The following INPP4B variants were observed in gnomAD, a reference collection of about 807,000 sequenced individuals.
INPP4B encodes the protein inositol polyphosphate 4-phosphatase type II.
A neutral mutation model predicts 122.5 loss-of-function variants in INPP4B; 55 were observed. The observed-to-expected ratio is 0.45, with a 90% CI of 0.36 to 0.56. INPP4B has a LOEUF of 0.56. Among genes scored for constraint, INPP4B ranks in the 20% least tolerant of loss-of-function variants. The probability of loss-of-function intolerance (pLI) is 0.00; values close to 1 mark genes in which losing one functional copy is unlikely to be tolerated. For synonymous variants in INPP4B, 403 were observed against 388.7 expected (o/e 1.04, Z -0.43); for missense variants, 1,000 against 1,097.7 (o/e 0.91, Z 1.26).
chr4:142,344,561 T>G (rs1363474455), intron 7 of INPP4B, among the ~76,000 whole-genome samples: 1 of 152,068 alleles, frequency 6.6e-6, no homozygotes, highest in Non-Finnish European at 1.5e-5. Context: ...TCAACCTTTT[T>G]CCAGCTGTAC....
chr4:142,376,412 C>T (rs1386456719), intron 7 of INPP4B, among the ~76,000 whole-genome samples: 2 of 151,976 alleles, frequency 1.3e-5, no homozygotes, highest in Non-Finnish European at 2.9e-5. Context: ...ATACTGACTT[C>T]TTGTAATGAT....
At chr4:142,483,187 T>C in intron 2 of INPP4B, among the ~76,000 whole-genome samples, 1 of 86,364 alleles carries the variant, frequency 1.2e-5, no homozygotes, top group Admixed American at 1.6e-4. Context: ...CTATGCTTTT[T>C]TTTTTTTTTT....
intron 7 of INPP4B, among the ~76,000 whole-genome samples, chr4:142,354,132 G>A (rs781648946): frequency 1.4e-4 from 22 of 151,874 alleles, no homozygotes; most frequent in South Asian, 2.1e-4. Context: ...TGCAATAGCC[G>A]AAACCACCTA....
At chr4:142,258,495 A>C (rs1296998379) in intron 11 of INPP4B, among the ~76,000 whole-genome samples, 1 of 152,220 alleles carries the variant, frequency 6.6e-6, no homozygotes, top group Non-Finnish European at 1.5e-5. Context: ...ATGAACTCAA[A>C]CAAATTTACA....
At chr4:142,482,044 C>T (rs975515382) in intron 2 of INPP4B, among the ~76,000 whole-genome samples, 9 of 152,186 alleles carry the variant, frequency 5.9e-5, no homozygotes, top group Admixed American at 2.0e-4. Context: ...CCAACAGTCT[C>T]TTTCCCATAA....
chr4:142,130,371 A>G (rs1163011647), intron 18 of INPP4B, among the ~76,000 whole-genome samples: 1 of 152,216 alleles, frequency 6.6e-6, no homozygotes, highest in Non-Finnish European at 1.5e-5. Context: ...AGAAGGCAGG[A>G]ATAAAACAGA....
intron 1 of INPP4B, among the ~76,000 whole-genome samples, chr4:142,757,487 CCATAGTTTT>C (rs1770671407): frequency 6.6e-6 from 1 of 152,104 alleles, no homozygotes; most frequent in Non-Finnish European, 1.5e-5. Context: ...TTAACTGTCT[CCATAGTTTT>C]GCCTTTTCCA....
chr4:142,576,813 C>A (rs1391663396), intron 2 of INPP4B, among the ~76,000 whole-genome samples: 3 of 151,996 alleles, frequency 2.0e-5, no homozygotes, highest in Non-Finnish European at 2.9e-5. Flanking sequence ...CAGTATTTAA[C>A]AAACCTTCTA....
intron 15 of INPP4B, among the ~76,000 whole-genome samples, chr4:142,188,936 G>A (rs1247927927): frequency 2.6e-5 from 4 of 152,124 alleles, no homozygotes; most frequent in African/African-American, 9.7e-5. Flanking sequence ...ACATTTCAAA[G>A]GTAACAGTAT....
At chr4:142,155,723 G>T (rs1003447210) in intron 17 of INPP4B, among the ~76,000 whole-genome samples, 3 of 152,094 alleles carry the variant, frequency 2.0e-5, no homozygotes, top group Admixed American at 2.0e-4. Context: ...TTAGAGAAAG[G>T]TATAGTACAA....
intron 9 of INPP4B, among the ~76,000 whole-genome samples, chr4:142,302,143 T>C (rs911665598): frequency 1.1e-4 from 17 of 152,088 alleles, no homozygotes; most frequent in African/African-American, 3.9e-4. Flanking sequence ...ACACGTTCCA[T>C]AGGTTTCCCT....
At chr4:142,810,937 A>T (rs1779437002) in intron 1 of INPP4B, among the ~76,000 whole-genome samples, 2 of 152,218 alleles carry the variant, frequency 1.3e-5, no homozygotes, top group African/African-American at 4.8e-5. Context: ...TCTTGTTTTT[A>T]ACAAATTATA....
At chr4:142,656,164 C>T (rs1754092539) in intron 2 of INPP4B, among the ~76,000 whole-genome samples, 1 of 152,140 alleles carries the variant, frequency 6.6e-6, no homozygotes. Flanking sequence ...GGGATTTGAT[C>T]ACCAGGTGGG....
intron 7 of INPP4B, among the ~76,000 whole-genome samples, chr4:142,327,385 C>G (rs1048876711): frequency 1.3e-5 from 2 of 152,000 alleles, no homozygotes; most frequent in African/African-American, 4.8e-5. Context: ...CACCAAACCC[C>G]CCATACAAAT....
At chr4:142,260,626 T>C in intron 10 of INPP4B, 62 bp from the exon 11 acceptor site, 1 of 1,140,228 alleles carries the variant, frequency 8.8e-7, no homozygotes, top group South Asian at 1.4e-5. Flanking sequence ...GGAATGATAT[T>C]ATTTTATTTG....
intron 2 of INPP4B, among the ~76,000 whole-genome samples, chr4:142,698,581 A>C (rs188722562): frequency 6.6e-6 from 1 of 152,252 alleles, no homozygotes; most frequent in African/African-American, 2.4e-5. Context: ...AACAATCTTT[A>C]AGCTGCATCA....
chr4:142,163,555 C>T (rs921564064), intron 16 of INPP4B, among the ~76,000 whole-genome samples: 3 of 151,862 alleles, frequency 2.0e-5, no homozygotes, highest in African/African-American at 2.4e-5. Flanking sequence ...TTGAGAGAGA[C>T]CACATTTACA....
intron 1 of INPP4B, among the ~76,000 whole-genome samples, chr4:142,797,388 A>G (rs890399694): frequency 6.6e-6 from 1 of 152,030 alleles, no homozygotes; most frequent in Non-Finnish European, 1.5e-5. Flanking sequence ...CATAAATGTC[A>G]GTCATGATTA....
intron 25 of INPP4B, among the ~76,000 whole-genome samples, chr4:142,038,993 T>C (rs571449614): frequency 1.3e-5 from 2 of 152,300 alleles, no homozygotes; most frequent in African/African-American, 4.8e-5. Context: ...ACCATATTCC[T>C]TTCACTTCAT....
Sources: allele counts gnomAD v4.1 joint callset (sites outside exome capture counted in the v4.1 genomes callset), GRCh38; gene constraint gnomAD v4.1.1; transcripts MANE v1.5; gene names NCBI Gene and HGNC (gene_info 2026-07-23, HGNC 2026-07-21).